The following RAVER2 variants were observed in gnomAD, a reference collection of about 807,000 sequenced individuals.
The protein encoded by RAVER2 is ribonucleoprotein, PTB binding 2.
RAVER2 carries 46 observed loss-of-function variants against 78.1 expected under a neutral mutation model. The ratio of observed to expected loss-of-function variants is 0.59; its 90% CI spans 0.46 to 0.75. RAVER2 has a LOEUF of 0.75. RAVER2 is among the 30% of genes least tolerant of loss of function. The pLI, the probability that RAVER2 is intolerant of heterozygous loss-of-function variation, is 0.00. For synonymous variants in RAVER2, 311 were observed against 313.3 expected (o/e 0.99, Z 0.08); for missense variants, 793 against 837.5 (o/e 0.95, Z 0.66).
At chr1:64,817,731 C>T (rs904334064) in intron 11 of RAVER2, among the ~76,000 whole-genome samples, 2 of 136,046 alleles carry the variant, frequency 1.5e-5, no homozygotes, top group Non-Finnish European at 3.0e-5. Context: ...GGAAGGGGAA[C>T]GTCACACACT....
At chr1:64,826,259 AT>A (rs1654000762) in intron 11 of RAVER2, among the ~76,000 whole-genome samples, 1 of 152,234 alleles carries the variant, frequency 6.6e-6, no homozygotes, top group African/African-American at 2.4e-5. Context: ...AGGGGAAAAA[AT>A]TAGTAAAAGG....
intron 9 of RAVER2, among the ~76,000 whole-genome samples, chr1:64,812,289 G>A (rs571683047): frequency 2.0e-5 from 3 of 150,806 alleles, no homozygotes; most frequent in Admixed American, 6.6e-5. Flanking sequence ...TTGAACCTGG[G>A]AGGCGGAGGT....
intron 2 of RAVER2, among the ~76,000 whole-genome samples, chr1:64,772,386 T>C (rs532399055): frequency 6.6e-6 from 1 of 152,138 alleles, no homozygotes; most frequent in South Asian, 2.1e-4. Context: ...AAATTATTAG[T>C]TGATTTATAT....
Position 64,769,989 on chromosome 1 carries a change from C to G in RAVER2, c.316+1267C>G, listed in dbSNP as rs150588457. 2.4e-3 allele frequency among the ~76,000 whole-genome samples: 364 copies of G among 151,948 alleles called. 4 individuals are homozygous for G. The highest frequency in any genetic ancestry group is 8.4e-3 in the African/African-American group (349 of 41,448). On this transcript the variant is annotated intron_variant, in intron 2 of 11. Transcript: ENST00000294428. ...CGCAACATTGTTTTTCAGATCTTTC[C>G]ACATTGATATATATAACTCAGGTTC...
intron 5 of RAVER2, among the ~76,000 whole-genome samples, chr1:64,797,118 G>T (rs532613481): frequency 6.6e-6 from 1 of 152,250 alleles, no homozygotes; most frequent in African/African-American, 2.4e-5. Flanking sequence ...CTTGTTTCAT[G>T]GTTCAGAATA....
chr1:64,817,648 C>G (rs1218337666), intron 11 of RAVER2, among the ~76,000 whole-genome samples: 2 of 150,536 alleles, frequency 1.3e-5, no homozygotes, highest in Non-Finnish European at 2.9e-5. Context: ...CAAACTATCA[C>G]AAGGACAGAA....
intron 1 of RAVER2, among the ~76,000 whole-genome samples, chr1:64,768,077 A>G (rs931438616): frequency 2.0e-5 from 3 of 151,962 alleles, no homozygotes; most frequent in African/African-American, 7.2e-5. Flanking sequence ...TTTACAATCT[A>G]TTTTATTTTT....
chr1:64,776,452 C>T (rs558321518), intron 2 of RAVER2, among the ~76,000 whole-genome samples: 1 of 152,222 alleles, frequency 6.6e-6, no homozygotes, highest in East Asian at 1.9e-4. Context: ...CTCTGAGAGC[C>T]GCATGGCACT....
intron 11 of RAVER2, among the ~76,000 whole-genome samples, chr1:64,822,263 A>G (rs1387041585): frequency 1.3e-5 from 2 of 152,346 alleles, no homozygotes; most frequent in East Asian, 1.9e-4. Flanking sequence ...ACTCCAGCCC[A>G]GGTGACAGAG....
intron 11 of RAVER2, among the ~76,000 whole-genome samples, chr1:64,827,012 C>T (rs193184287): frequency 3.0e-4 from 46 of 152,200 alleles, no homozygotes; most frequent in Admixed American, 5.2e-4. Context: ...TGAAGATGTT[C>T]CTTTATTGGT....
At chr1:64,827,071 G>A (rs11587486) in intron 11 of RAVER2, among the ~76,000 whole-genome samples, 7,623 of 152,110 alleles carry the variant, frequency 0.05, 306 homozygotes, top group Admixed American at 0.14. Context: ...GGCCTCTAGA[G>A]GTACATATTT....
intron 1 of RAVER2, among the ~76,000 whole-genome samples, chr1:64,754,915 A>C (rs1347717889): frequency 6.6e-6 from 1 of 152,220 alleles, no homozygotes; most frequent in Non-Finnish European, 1.5e-5. Context: ...CTGGGCAAGA[A>C]TATAAATCAG....
At chr1:64,765,255 A>G (rs1391583107) in intron 1 of RAVER2, among the ~76,000 whole-genome samples, 1 of 152,224 alleles carries the variant, frequency 6.6e-6, no homozygotes, top group Admixed American at 6.5e-5. Context: ...TCTCTCCTTG[A>G]GGAGCTCTTG....
At chr1:64,803,745 A>C (rs1408531401) in intron 6 of RAVER2, among the ~76,000 whole-genome samples, 5 of 152,172 alleles carry the variant, frequency 3.3e-5, no homozygotes, top group African/African-American at 1.2e-4. Flanking sequence ...TCATTTACTC[A>C]ATGTATTTTA....
intron 1 of RAVER2, among the ~76,000 whole-genome samples, chr1:64,766,361 T>C (rs1410709310): frequency 6.6e-6 from 1 of 152,190 alleles, no homozygotes; most frequent in Non-Finnish European, 1.5e-5. Flanking sequence ...TGGGACTCTC[T>C]TTCAGGTTTT....
intron 3 of RAVER2, among the ~76,000 whole-genome samples, chr1:64,779,124 T>C (rs1243002302): frequency 6.6e-6 from 1 of 151,958 alleles, no homozygotes; most frequent in East Asian, 1.9e-4. Context: ...ATAGTTATCA[T>C]TTTTGTGGTA....
exon 12 of RAVER2, chr1:64,831,220 A>AG: frequency 3.0e-6 from 1 of 336,390 alleles, no homozygotes; most frequent in Non-Finnish European, 5.4e-6. Flanking sequence ...GTGCTAACTT[A>AG]CAATCCATTG....
intron 5 of RAVER2, among the ~76,000 whole-genome samples, chr1:64,792,474 C>T (rs1652970766): frequency 6.6e-6 from 1 of 152,194 alleles, no homozygotes; most frequent in Non-Finnish European, 1.5e-5. Flanking sequence ...GGACTCTGGG[C>T]TATCTTTACT....
chr1:64,751,320 C>G (rs1651691701), intron 1 of RAVER2, among the ~76,000 whole-genome samples: 1 of 152,184 alleles, frequency 6.6e-6, no homozygotes, highest in African/African-American at 2.4e-5. Context: ...AAAGCTCCAG[C>G]TTTGTGCAGG....
Sources: allele counts gnomAD v4.1 joint callset (sites outside exome capture counted in the v4.1 genomes callset), GRCh38; gene constraint gnomAD v4.1.1; transcripts MANE v1.5; gene names NCBI Gene and HGNC (gene_info 2026-07-23, HGNC 2026-07-21).